Variants in AEN observed in about 807,000 individuals in gnomAD.
AEN encodes apoptosis enhancing nuclease.
Under a neutral mutation model 17.7 loss-of-function variants are expected in AEN, and 21 were observed. The ratio of observed to expected loss-of-function variants is 1.19; its 90% CI spans 0.84 to 1.71. The LOEUF (loss-of-function observed/expected upper bound fraction) is 1.71, where lower values mean the gene tolerates loss of function less well. Ranked by LOEUF, AEN falls within the 40% of genes most tolerant of loss-of-function variation. The pLI is 0.00. For synonymous variants in AEN, 190 were observed against 173.0 expected (o/e 1.10, Z -0.77); for missense variants, 462 against 435.9 (o/e 1.06, Z -0.53).
chr15:88,605,954 C>T, the AEN span, among the ~76,000 whole-genome samples: 1 of 152,196 alleles, frequency 6.6e-6, no homozygotes. The surrounding 1 kb of genome is among the most constrained non-coding windows in gnomAD (Gnocchi z 7.6). Flanking sequence ...GACACAGGTT[C>T]GCGGAAGAAA....
In AEN at chr15:88,630,459, A is replaced by G. The variant is rs769592866; in HGVS notation, c.*165A>G. The G allele has an allele frequency of 2.2e-5, 14 of 639,254 alleles. No individual in the cohort carries two copies. Among genetic ancestry groups the G allele is most frequent in the Non-Finnish European group, 3.6e-5 (13 of 362,656 alleles). 39.6% of individuals were successfully genotyped at this position (639,254 alleles called of 1,614,324 possible). On this transcript the variant is annotated 3_prime_UTR_variant, in exon 4 of 4. Coordinates refer to ENST00000332810, the MANE Select transcript of AEN (RefSeq NM_022767.4). The surrounding 1 kb of genome is among the most constrained non-coding windows in gnomAD (Gnocchi z 5.1). ...TCTGTTACCTTGACACCCTCTGCAC[A>G]CAGCATAGCCCTCTCTCTCTCCAGG...
chr15:88,610,533 T>C, the AEN span, among the ~76,000 whole-genome samples: 19 of 152,070 alleles, frequency 1.2e-4, no homozygotes, highest in African/African-American at 4.3e-4. Context: ...CTCAGACCCA[T>C]GGCAGAGATG....
At chr15:88,613,677 CAT>C in the AEN span, among the ~76,000 whole-genome samples, 5 of 152,084 alleles carry the variant, frequency 3.3e-5, no homozygotes, top group African/African-American at 1.2e-4. Context: ...TGAAGTCAAA[CAT>C]GTGCCAGTTT....
chr15:88,611,433 T>TAAAAAAAAAA, the AEN span, among the ~76,000 whole-genome samples: 11 of 94,032 alleles, frequency 1.2e-4, no homozygotes, highest in South Asian at 3.3e-3. Flanking sequence ...TTGTCTTTAC[T>TAAAAAAAAAA]AAAAAAAAAA....
rs757173988 is a variant in AEN, at chr15:88,626,403, C to T, written c.194C>T (p.Pro65Leu). The T allele has an allele frequency of 6.8e-6, 11 of 1,612,758 alleles. No individual in the cohort carries two copies. In the South Asian group the frequency reaches 8.8e-5, roughly 13 times the overall value. Reference sequence around the variant, plus strand: ...CCAGAACCAGGGTCCTCCCCACTGCCCACCCCTTTCGGGGCAGCGACAGCA... The same window carrying T: ...CCAGAACCAGGGTCCTCCCCACTGCTCACCCCTTTCGGGGCAGCGACAGCA... ...MPPEPGSSPL[P>L]TPFGAATATE... The change falls in exon 2 of 4, where the codon CCC becomes CTC. Residue 65 changes from proline (P) to leucine (L), a missense_variant. Pro to Leu is a moderately conservative substitution (Grantham distance 98). Transcript: ENST00000332810.
At chr15:88,624,326 G>A (rs2057824584) in intron 1 of AEN, among the ~76,000 whole-genome samples, 1 of 152,168 alleles carries the variant, frequency 6.6e-6, no homozygotes, top group Non-Finnish European at 1.5e-5. Context: ...CAGGAGGGCT[G>A]TGAGTGGGAA....
intron 2 of AEN, 57 bp downstream of exon 2, chr15:88,626,806 C>G: frequency 6.5e-7 from 1 of 1,540,238 alleles, no homozygotes; most frequent in Non-Finnish European, 8.7e-7. Context: ...AAGAGCCACC[C>G]TGGGTTTGAA....
At chr15:88,627,038 G>A (rs1411813679) in intron 2 of AEN, 1 of 390,740 alleles carries the variant, frequency 2.6e-6, no homozygotes, top group African/African-American at 2.0e-5. Flanking sequence ...TGTTATAAAA[G>A]TTGTACGCAT....
At chr15:88,612,516 C>T in the AEN span, among the ~76,000 whole-genome samples, 2 of 152,138 alleles carry the variant, frequency 1.3e-5, no homozygotes, top group African/African-American at 4.8e-5. Flanking sequence ...GGACCATCCC[C>T]CACTGTGGCA....
upstream of AEN, among the ~76,000 whole-genome samples, chr15:88,620,579 A>C (rs2057774779): frequency 5.0e-5 from 1 of 19,956 alleles, no homozygotes; most frequent in Non-Finnish European, 1.1e-4. Flanking sequence ...CGCCCGGCTA[A>C]TTTTTGTATT....
Position 88,628,863 on chromosome 15 carries a change from G to A in AEN, c.541-363G>A, listed in dbSNP as rs114436653. ...AGAGTTGGGTGGAGTGGGAGGCCTGGTGACGTCTTCCAGGCTGAGAGGAGA... is the reference window on the plus strand; with the variant it reads ...AGAGTTGGGTGGAGTGGGAGGCCTGATGACGTCTTCCAGGCTGAGAGGAGA... On this transcript the variant is annotated intron_variant, in intron 2 of 3. Transcript: ENST00000332810. 3.4e-3 allele frequency: 723 copies of A among 211,692 alleles called. 5 individuals are homozygous for A. Among genetic ancestry groups the A allele is most frequent in the African/African-American group, 0.014 (613 of 43,426 alleles). The allele number at this position is 211,692 out of a possible 1,614,324, so 13.1% of individuals were successfully genotyped here.
rs907227122 is a variant in AEN at position 88,626,149 on chromosome 15, G to C, written c.-61G>C. The C allele has an allele frequency of 7.6e-5, 115 of 1,505,306 alleles. No homozygotes were observed. Among genetic ancestry groups the C allele is most frequent in the South Asian group, 2.3e-4 (17 of 75,108 alleles). 93.2% of individuals were successfully genotyped at this position (1,505,306 alleles called of 1,614,324 possible). On this transcript the variant is annotated 5_prime_UTR_variant, in exon 2 of 4. Transcript: ENST00000332810. ...TGCCTGTGTGTTCTCTCTTCAGGCT[G>C]CTGCCCCATTGGAAGATTACTCCCC...
At chr15:88,616,155 G>A in the AEN span, among the ~76,000 whole-genome samples, 4 of 151,730 alleles carry the variant, frequency 2.6e-5, no homozygotes, top group South Asian at 2.1e-4. Flanking sequence ...GTGCAGTGGC[G>A]CCATCTCGGC....
upstream of AEN, among the ~76,000 whole-genome samples, chr15:88,618,170 A>G (rs2057754204): frequency 6.6e-6 from 1 of 152,144 alleles, no homozygotes; most frequent in African/African-American, 2.4e-5. Context: ...CCCCACCCCA[A>G]AATCATCCTT....
the AEN span, among the ~76,000 whole-genome samples, chr15:88,606,266 G>C: frequency 4.5e-4 from 68 of 152,184 alleles, no homozygotes; most frequent in African/African-American, 1.6e-3. Context: ...CGCGCTCTCT[G>C]TATGCCTTAA....
Position 88,631,268 on chromosome 15 carries a change from T to C in AEN, c.*974T>C, listed in dbSNP as rs1461306536. The C allele has an allele frequency of 2.4e-6, 1 of 425,438 alleles. No individual in the cohort carries two copies. Among genetic ancestry groups the C allele is most frequent in the African/African-American group, 2.0e-5 (1 of 49,592 alleles). 26.4% of individuals were successfully genotyped at this position (425,438 alleles called of 1,614,324 possible). On this transcript the variant is annotated 3_prime_UTR_variant, in exon 4 of 4. Coordinates refer to ENST00000332810, the MANE Select transcript of AEN (RefSeq NM_022767.4). ...TGTCTCCTGGGGCTGGGGCAGGGCA[T>C]TGGCAGTTACGCAGTGGCCCTGAAC...
chr15:88,612,852 C>T, the AEN span, among the ~76,000 whole-genome samples: 21 of 152,040 alleles, frequency 1.4e-4, no homozygotes, highest in African/African-American at 2.4e-4. Context: ...CTGCCCACCT[C>T]GGTCTCCCAA....
intron 1 of AEN, among the ~76,000 whole-genome samples, chr15:88,624,212 C>T (rs1031159584): frequency 2.0e-5 from 3 of 152,088 alleles, no homozygotes; most frequent in African/African-American, 4.8e-5. Flanking sequence ...AGTGGAGACC[C>T]GAGAGAGCCT....
chr15:88,609,191 C>T, the AEN span, among the ~76,000 whole-genome samples: 227 of 152,252 alleles, frequency 1.5e-3, no homozygotes, highest in Middle Eastern at 0.014. Flanking sequence ...CAGAGTTCAG[C>T]GGTACCATGA....
Sources: gnomAD v4.1 joint callset for allele counts (sites outside exome capture counted in the v4.1 genomes callset) on GRCh38, gnomAD v4.1.1 for gene constraint, Gnocchi (gnomAD v3.1) non-coding constraint, MANE v1.5 for transcripts, NCBI Gene and HGNC (gene_info 2026-07-23, HGNC 2026-07-21) for gene names.